Variants in BTLA observed in about 807,000 individuals in gnomAD.
The protein encoded by BTLA is B and T lymphocyte associated.
BTLA carries 11 observed loss-of-function variants against 25.0 expected under a neutral mutation model. That is an observed-to-expected ratio of 0.44 (90% confidence interval 0.28 to 0.73). The LOEUF is 0.73. Among genes scored for constraint, BTLA ranks in the 30% least tolerant of loss-of-function variants. The probability of loss-of-function intolerance (pLI) is 0.15; values close to 1 mark genes in which losing one functional copy is unlikely to be tolerated. For synonymous variants in BTLA, 104 were observed against 119.8 expected, an observed-to-expected ratio of 0.87 and a Z score of 0.86; for missense variants, 282 against 332.8, an observed-to-expected ratio of 0.85 and a Z score of 1.19.
intron 4 of BTLA, among the ~76,000 whole-genome samples, chr3:112,467,876 T>A (rs573879400): frequency 7.4e-4 from 113 of 152,320 alleles, no homozygotes; most frequent in Non-Finnish European, 1.3e-3. Context: ...TCAACAAAGA[T>A]CCTGTGATAC....
intron 1 of BTLA, among the ~76,000 whole-genome samples, chr3:112,484,041 A>G (rs1235547106): frequency 6.6e-6 from 1 of 151,924 alleles, no homozygotes; most frequent in Non-Finnish European, 1.5e-5. Context: ...GCAAAGCTTC[A>G]TGGAAAGGCT....
intron 2 of BTLA, among the ~76,000 whole-genome samples, chr3:112,477,115 A>G (rs972837489): frequency 1.4e-4 from 22 of 152,076 alleles, no homozygotes; most frequent in African/African-American, 4.8e-4. Flanking sequence ...CCTTTTGGCT[A>G]TTGTGAATAG....
chr3:112,478,423 G>C (rs994141439), intron 2 of BTLA, among the ~76,000 whole-genome samples: 11 of 151,828 alleles, frequency 7.2e-5, no homozygotes, highest in African/African-American at 2.4e-4. Flanking sequence ...TTTTCTTTGT[G>C]GATTGTTTAT....
At chr3:112,483,515 A>G (rs1219860438) in intron 1 of BTLA, among the ~76,000 whole-genome samples, 1 of 151,898 alleles carries the variant, frequency 6.6e-6, no homozygotes, top group Admixed American at 6.6e-5. Context: ...TATTTCTTTC[A>G]GTTTACTGAG....
At position 112,466,035 on chromosome 3, in the gene BTLA, C is replaced by T. The variant is rs373688286; in HGVS notation, c.*73G>A. 8 of 1,403,404 alleles carry T rather than the reference C, an allele frequency of 5.7e-6. No homozygotes were observed. In the African/African-American group the frequency reaches 8.5e-5, roughly 15 times the overall value. The allele number at this position is 1,403,404 out of a possible 1,614,324, so 86.9% of individuals were successfully genotyped here. A position where few individuals can be genotyped will look rare whatever the true frequency, so the allele number is the denominator to read the frequency against. On this transcript the variant is annotated 3_prime_UTR_variant, in exon 5 of 5. Coordinates refer to ENST00000334529, the MANE Select transcript of BTLA (RefSeq NM_181780.4). ...TCTCAAATTGAGAAATATTATTTGA[C>T]ATCCTGTTGAGCCCAGACAATGATG...
chr3:112,475,492 C>T (rs2082284344), intron 2 of BTLA, among the ~76,000 whole-genome samples: 1 of 152,176 alleles, frequency 6.6e-6, no homozygotes, highest in South Asian at 2.1e-4. Context: ...CTAATCTCAG[C>T]CCCAACTTGA....
rs931286447 is a variant in BTLA, at chr3:112,470,795, G to T, written c.547+417C>A. Among the ~76,000 whole-genome samples the T allele has an allele frequency of 2.0e-5, 3 of 152,290 alleles. No homozygotes were observed. In the East Asian group the frequency reaches 5.8e-4, roughly 29 times the overall value. ...TCTTCAGTTACATAAGGGTGTGTGT[G>T]GGATTGGCATGATGTGGTGTGGCTG... On this transcript the variant is annotated intron_variant, in intron 3 of 4. Coordinates refer to ENST00000334529, the MANE Select transcript of BTLA (RefSeq NM_181780.4).
intron 1 of BTLA, among the ~76,000 whole-genome samples, chr3:112,498,309 A>G (rs1277377315): frequency 6.6e-6 from 1 of 152,102 alleles, no homozygotes; most frequent in Non-Finnish European, 1.5e-5. Flanking sequence ...AGGGACGCTG[A>G]GGCAGGAGAA....
At position 112,469,793 on chromosome 3, in the gene BTLA, C is replaced by A; in HGVS notation, c.559G>T (p.Glu187Ter). The A allele has an allele frequency of 1.2e-6, 2 of 1,610,352 alleles. No homozygotes were observed. The highest frequency in any genetic ancestry group is 2.2e-5 in the East Asian group (1 of 44,822). The change falls in exon 4 of 5, where the codon GAA becomes TAA. Residue 187 changes from glutamate (E) to a stop codon, truncating the protein, a stop_gained. Transcript: ENST00000334529. LOFTEE classifies it low-confidence loss of function (END_TRUNC). ...CLRRHQGKQN[E>*]LSDTAGREIN... ...TCCCTTCCTGCTGTGTCAGAGAGTT[C>A]ATTTTGCTTTCCTGGAAGACAAAAA...
intron 2 of BTLA, among the ~76,000 whole-genome samples, chr3:112,474,102 A>C (rs1321891973): frequency 6.6e-6 from 1 of 152,256 alleles, no homozygotes; most frequent in Admixed American, 6.5e-5. Flanking sequence ...CCAAGCCCCA[A>C]CTCTGTCACA....
intron 1 of BTLA, among the ~76,000 whole-genome samples, chr3:112,490,197 TA>T: frequency 6.6e-6 from 1 of 152,330 alleles, no homozygotes; most frequent in African/African-American, 2.4e-5. Context: ...ATGTATTATG[TA>T]ATGTCTATTA....
intron 2 of BTLA, among the ~76,000 whole-genome samples, chr3:112,478,800 C>G (rs748327026): frequency 7.9e-5 from 12 of 152,100 alleles, no homozygotes; most frequent in South Asian, 2.1e-4. Flanking sequence ...CTACTCCCCC[C>G]CTATGTATTT....
intron 1 of BTLA, among the ~76,000 whole-genome samples, chr3:112,481,611 GC>G (rs2082318689): frequency 6.6e-6 from 1 of 152,208 alleles, no homozygotes; most frequent in Admixed American, 6.5e-5. Context: ...GGGAGGGGCA[GC>G]CTCAAAGGCT....
At chr3:112,487,951 C>T (rs2082357424) in intron 1 of BTLA, among the ~76,000 whole-genome samples, 1 of 152,224 alleles carries the variant, frequency 6.6e-6, no homozygotes, top group African/African-American at 2.4e-5. Context: ...ATAATACCAT[C>T]ATCTACCTAA....
intron 1 of BTLA, among the ~76,000 whole-genome samples, chr3:112,484,962 C>T (rs2082338373): frequency 1.3e-5 from 2 of 152,224 alleles, no homozygotes; most frequent in South Asian, 4.1e-4. Flanking sequence ...ATTATAATAC[C>T]TCCTATCTCT....
chr3:112,492,718 T>C (rs967550114), intron 1 of BTLA, among the ~76,000 whole-genome samples: 2 of 152,210 alleles, frequency 1.3e-5, no homozygotes, highest in Admixed American at 1.3e-4. Flanking sequence ...CCAATATTAA[T>C]TCTCATCTTC....
Position 112,499,424 on chromosome 3 carries a change from T to A in BTLA, c.-66A>T. On this transcript the variant is annotated 5_prime_UTR_variant, in exon 1 of 5. Transcript: ENST00000334529. ...AGGCTTTGCTTCGTCTTCTGAGTGC[T>A]GCAGAGTTGGGTCAGTTTACCTACC... 1 of 1,422,736 alleles carries A rather than the reference T, an allele frequency of 7.0e-7. No individual in the cohort carries two copies. 88.1% of individuals were successfully genotyped at this position (1,422,736 alleles called of 1,614,324 possible). A position where few individuals can be genotyped will look rare whatever the true frequency, so the allele number is the denominator to read the frequency against.
At chr3:112,492,603 T>G (rs1009944641) in intron 1 of BTLA, among the ~76,000 whole-genome samples, 1 of 152,332 alleles carries the variant, frequency 6.6e-6, no homozygotes, top group South Asian at 2.1e-4. Context: ...TCCTCACATC[T>G]CTAATACATT....
At chr3:112,493,525 G>C (rs1489678352) in intron 1 of BTLA, among the ~76,000 whole-genome samples, 2 of 151,868 alleles carry the variant, frequency 1.3e-5, no homozygotes, top group Non-Finnish European at 1.5e-5. Context: ...TTTTTTTTTG[G>C]AGACAGAGTC....
Sources: allele counts gnomAD v4.1 joint callset (sites outside exome capture counted in the v4.1 genomes callset), GRCh38; gene constraint gnomAD v4.1.1; transcripts MANE v1.5; gene names NCBI Gene and HGNC (gene_info 2026-07-23, HGNC 2026-07-21).